The following MTMR14 variants were observed in gnomAD, a reference collection of about 807,000 sequenced individuals.
MTMR14 encodes the protein myotubularin related protein 14.
Under a neutral mutation model 86.3 loss-of-function variants are expected in MTMR14, and 48 were observed. The observed-to-expected ratio is 0.56, with a 90% CI of 0.44 to 0.71. The LOEUF is 0.71. Ranked by LOEUF, MTMR14 falls within the 30% of genes least tolerant of loss-of-function variation. The probability of loss-of-function intolerance (pLI) is 0.00; values close to 1 mark genes in which losing one functional copy is unlikely to be tolerated. For synonymous variants in MTMR14, 366 were observed against 326.1 expected (o/e 1.12, Z -1.32); for missense variants, 780 against 834.6 (o/e 0.93, Z 0.81).
Position 9,701,274 on chromosome 3 carries a change from G to C in MTMR14, c.1770-516G>C. On this transcript the variant is annotated intron_variant, in intron 18 of 18. Transcript: ENST00000296003. The surrounding 1 kb of genome is among the most constrained non-coding windows in gnomAD (Gnocchi z 4.2). ...GCAAAGATAGTTATTTTCACAACAG[G>C]TCAGGTCAGGCCAGGCACAGTTGCT... 1 of 175,582 alleles carries C rather than the reference G, an allele frequency of 5.7e-6. No homozygotes were observed. The highest frequency in any genetic ancestry group is 1.2e-5 in the Non-Finnish European group (1 of 81,460). The allele number at this position is 175,582 out of a possible 1,614,324, so 10.9% of individuals were successfully genotyped here. A position where few individuals can be genotyped will look rare whatever the true frequency, so the allele number is the denominator to read the frequency against.
At chr3:9,693,340 A>C (rs1014435001) in intron 17 of MTMR14, among the ~76,000 whole-genome samples, 1 of 152,248 alleles carries the variant, frequency 6.6e-6, no homozygotes, top group African/African-American at 2.4e-5. Flanking sequence ...GAGGATGTGC[A>C]TAGGTTATAT....
At chr3:9,675,634 TCTC>T (rs1559587731) in intron 7 of MTMR14, 2 of 457,432 alleles carry the variant, frequency 4.4e-6, no homozygotes, top group South Asian at 3.1e-5. Context: ...TTTTGGTCCC[TCTC>T]CTCTTGCCTG....
rs372209882 is a variant in MTMR14 at position 9,701,984 on chromosome 3, C to G, written c.*11C>G. 2.9e-5 allele frequency: 47 copies of G among 1,613,866 alleles called. No homozygotes were observed. Among genetic ancestry groups the G allele is most frequent in the Non-Finnish European group, 3.8e-5 (45 of 1,180,044 alleles). The stretch of plus-strand genomic sequence containing the variant: ...AGCAATGCCTTGTGAAGAAGCCAGC[C>G]CATGACATTTTCCTGCTCCTCTCTC... On this transcript the variant is annotated 3_prime_UTR_variant, in exon 19 of 19. Transcript: ENST00000296003. This position sits in a 1 kb window ranked among gnomAD's most constrained non-coding sequence, Gnocchi z 4.2.
intron 16 of MTMR14, 34 bp from the exon 17 acceptor site, chr3:9,689,929 GC>G: frequency 6.3e-7 from 1 of 1,588,890 alleles, no homozygotes. Flanking sequence ...GCCTGCAGTG[GC>G]CCCCGGCTCA....
chr3:9,670,383 C>G (rs185914791), intron 5 of MTMR14, among the ~76,000 whole-genome samples: 1 of 152,338 alleles, frequency 6.6e-6, no homozygotes, highest in Non-Finnish European at 1.5e-5. Flanking sequence ...AAGGAAACTG[C>G]TGGGGACAAC....
chr3:9,666,307 CTT>C lies in MTMR14; in HGVS notation c.418-2408_418-2407del, dbSNP rs2048255453. Among the ~76,000 whole-genome samples, 6 of 151,674 alleles carry C rather than the reference CTT, an allele frequency of 4.0e-5. No homozygotes were observed. The South Asian group carries it at 1.3e-3, about 32-fold the overall frequency. On this transcript the variant is annotated intron_variant, in intron 3 of 18. Transcript: ENST00000296003. ...TGCCTCCACACCTGGCTAATTTTGT[CTT>C]TTTAGTAGAGACTGAGTTTCACCAT...
At chr3:9,662,961 A>G (rs141355291) in intron 3 of MTMR14, among the ~76,000 whole-genome samples, 156 of 152,250 alleles carry the variant, frequency 1.0e-3, no homozygotes, top group African/African-American at 3.5e-3. Context: ...TTCATTGCAG[A>G]TGAAACAGAG....
intron 6 of MTMR14, among the ~76,000 whole-genome samples, chr3:9,671,523 T>A (rs566265182): frequency 1.5e-4 from 23 of 152,304 alleles, no homozygotes; most frequent in South Asian, 1.2e-3. Context: ...TTAATTTTTT[T>A]AATTTATTTT....
At chr3:9,678,675 T>A (rs1235402327) in intron 9 of MTMR14, among the ~76,000 whole-genome samples, 2 of 152,254 alleles carry the variant, frequency 1.3e-5, no homozygotes, top group Admixed American at 1.3e-4. Flanking sequence ...CTGGCTGACA[T>A]ACTGCCCTTC....
Position 9,698,465 on chromosome 3 carries a change from G to T in MTMR14, c.1769+599G>T, listed in dbSNP as rs113752208. On this transcript the variant is annotated intron_variant, in intron 18 of 18. Transcript: ENST00000296003. ...CCACCTGCCCCTGGCCTGTTCTGCC[G>T]CTTCATGGATGTCAGGCAGGAGAAA... Among the ~76,000 whole-genome samples, 683 of 152,354 alleles carry T rather than the reference G, an allele frequency of 4.5e-3. 7 individuals are homozygous for T. Among genetic ancestry groups the T allele is most frequent in the African/African-American group, 0.016 (656 of 41,590 alleles).
At position 9,687,829 on chromosome 3, in the gene MTMR14, C is replaced by T; in HGVS notation, c.1173C>T (p.Phe391=). 6.3e-7 allele frequency: 1 copy of T among 1,575,924 alleles called. No individual in the cohort carries two copies. The highest frequency in any genetic ancestry group is 8.6e-7 in the Non-Finnish European group (1 of 1,157,980). The change falls in exon 14 of 19, where the codon TTC becomes TTT. Residue 391 remains phenylalanine (F), a synonymous_variant. Transcript: ENST00000296003. Reference sequence around the variant, plus strand: ...TCTTTGGTCTCCTTTAGATTTTCTTCTTCTGCTTCAATTTTTTGAAGCATA... The same window carrying T: ...TCTTTGGTCTCCTTTAGATTTTCTTTTTCTGCTTCAATTTTTTGAAGCATA... The part of the protein sequence containing the change: ...DRLSKGEEIF[F]FCFNFLKHIT...
At chr3:9,675,701 A>C (rs1463264501) in intron 7 of MTMR14, 1 of 457,134 alleles carries the variant, frequency 2.2e-6, no homozygotes, top group Non-Finnish European at 4.4e-6. Context: ...TGCCCTGAGT[A>C]GAGTCTATTT....
intron 2 of MTMR14, among the ~76,000 whole-genome samples, chr3:9,657,519 A>G (rs1403449377): frequency 6.6e-6 from 1 of 151,776 alleles, no homozygotes; most frequent in East Asian, 1.9e-4. Flanking sequence ...CCCTACAACT[A>G]TTCAGTGAAG....
chr3:9,686,986 G>A (rs1028528182), intron 13 of MTMR14, among the ~76,000 whole-genome samples: 1 of 152,230 alleles, frequency 6.6e-6, no homozygotes, highest in Non-Finnish European at 1.5e-5. Flanking sequence ...CAGCTCCTCA[G>A]CAAGGGAGGC....
chr3:9,652,626 G>A (rs1372682289), intron 1 of MTMR14, among the ~76,000 whole-genome samples: 1 of 151,916 alleles, frequency 6.6e-6, no homozygotes, highest in African/African-American at 2.4e-5. Flanking sequence ...TCACCCAGGA[G>A]GCAGAGGTTG....
intron 3 of MTMR14, among the ~76,000 whole-genome samples, chr3:9,666,825 G>A (rs1427894940): frequency 6.6e-6 from 1 of 152,174 alleles, no homozygotes; most frequent in Non-Finnish European, 1.5e-5. Flanking sequence ...AGCATTCAGG[G>A]TAGATCTTGC....
intron 2 of MTMR14, 31 bp downstream of exon 2, chr3:9,653,800 C>G (rs752194230): frequency 2.3e-5 from 37 of 1,613,732 alleles, no homozygotes; most frequent in Non-Finnish European, 3.1e-5. Context: ...GTGTACATGT[C>G]TGGGGAGTCC....
intron 1 of MTMR14, among the ~76,000 whole-genome samples, chr3:9,651,084 T>G (rs2047258368): frequency 6.6e-6 from 1 of 151,794 alleles, no homozygotes; most frequent in African/African-American, 2.4e-5. Flanking sequence ...CCACCGCGCC[T>G]GGCTTTTTTG....
intron 3 of MTMR14, 32 bp downstream of exon 3, chr3:9,662,407 G>T: frequency 6.4e-7 from 1 of 1,571,128 alleles, no homozygotes. Flanking sequence ...CATGCTCCAC[G>T]ACTCTCTTCT....
Sources: gnomAD v4.1 joint callset for allele counts (sites outside exome capture counted in the v4.1 genomes callset) on GRCh38, gnomAD v4.1.1 for gene constraint, Gnocchi (gnomAD v3.1) non-coding constraint, MANE v1.5 for transcripts, NCBI Gene and HGNC (gene_info 2026-07-23, HGNC 2026-07-21) for gene names.